Variants in MAN1A2 observed in about 807,000 individuals in gnomAD.
MAN1A2 encodes mannosyl-oligosaccharide 1,2-alpha-mannosidase IB.
MAN1A2 carries 26 observed loss-of-function variants against 75.7 expected under a neutral mutation model. The observed-to-expected ratio is 0.34, with a 90% CI of 0.25 to 0.48. MAN1A2 has a LOEUF of 0.48. Ranked by LOEUF, MAN1A2 falls within the 20% of genes least tolerant of loss-of-function variation. The probability of loss-of-function intolerance (pLI) is 0.99; values close to 1 mark genes in which losing one functional copy is unlikely to be tolerated. For missense variants in MAN1A2, 562 were observed against 775.5 expected (o/e 0.72, Z 3.27); for synonymous variants, 247 against 264.6 (o/e 0.93, Z 0.65).
chr1:117,521,780 C>A (rs1470828606), intron 12 of MAN1A2, among the ~76,000 whole-genome samples: 2 of 151,928 alleles, frequency 1.3e-5, no homozygotes. Flanking sequence ...GGAACCAACC[C>A]AAATGCCCAT....
chr1:117,512,750 T>TACACACACAC (rs3050979), intron 12 of MAN1A2, among the ~76,000 whole-genome samples: 9,063 of 143,754 alleles, frequency 0.063, 351 homozygotes, highest in African/African-American at 0.11. Flanking sequence ...GGCACTGGGA[T>TACACACACAC]ACACACACAC....
chr1:117,392,535 GA>G (rs966318188), intron 1 of MAN1A2, among the ~76,000 whole-genome samples: 20 of 152,084 alleles, frequency 1.3e-4, no homozygotes, highest in African/African-American at 4.8e-4. Context: ...GTATTCATTA[GA>G]TTGTGAACTC....
In MAN1A2 at chr1:117,450,697, G is replaced by A. The variant is rs72691719; in HGVS notation, c.950+8372G>A. Among the ~76,000 whole-genome samples the A allele has an allele frequency of 5.5e-3, 831 of 152,314 alleles. 5 individuals carry two copies. The highest frequency in any genetic ancestry group is 6.4e-3 in the Non-Finnish European group (436 of 68,024). On this transcript the variant is annotated intron_variant, in intron 6 of 12. Transcript: ENST00000356554. The stretch of plus-strand genomic sequence containing the variant: ...CTGTATCCCAGCCTCTCTAGCTGTG[G>A]CTGAAAGGGGCCAACCTAAAGCTCA...
At chr1:117,510,780 A>AGG in intron 12 of MAN1A2, among the ~76,000 whole-genome samples, 1 of 152,178 alleles carries the variant, frequency 6.6e-6, no homozygotes, top group East Asian at 1.9e-4. Context: ...AATGTAAAAT[A>AGG]ATCCTGACAT....
chr1:117,458,512 G>GATATAT (rs1553236631), intron 6 of MAN1A2, among the ~76,000 whole-genome samples: 4 of 105,240 alleles, frequency 3.8e-5, no homozygotes, highest in African/African-American at 8.1e-5. Context: ...TATATATATA[G>GATATAT]ATATATATAT....
chr1:117,401,309 A>G (rs1280973606), intron 1 of MAN1A2, among the ~76,000 whole-genome samples: 1 of 152,160 alleles, frequency 6.6e-6, no homozygotes, highest in Non-Finnish European at 1.5e-5. Context: ...CTCACTAGCA[A>G]TGTTATAAGT....
intron 12 of MAN1A2, among the ~76,000 whole-genome samples, chr1:117,509,278 GA>G (rs1487622241): frequency 6.6e-6 from 1 of 151,824 alleles, no homozygotes; most frequent in Non-Finnish European, 1.5e-5. Flanking sequence ...AACACATGAA[GA>G]ATGCTTGATC....
At chr1:117,430,249 G>A (rs1198834658) in intron 5 of MAN1A2, among the ~76,000 whole-genome samples, 4 of 127,620 alleles carry the variant, frequency 3.1e-5, no homozygotes, top group African/African-American at 9.4e-5. Context: ...CGGCTGGCCA[G>A]GCGGGGGGCT....
rs942343245 is a variant in MAN1A2, at chr1:117,528,557, A to G, written c.*5600A>G. ...TGTAAGATGTATACCAGAAAACATAATAAAGATAAGCTCAGTTCTTCATTG... is the reference window on the plus strand; with the variant it reads ...TGTAAGATGTATACCAGAAAACATAGTAAAGATAAGCTCAGTTCTTCATTG... On this transcript the variant is annotated 3_prime_UTR_variant, in exon 13 of 13. Transcript: ENST00000356554. The G allele has an allele frequency of 2.6e-5, 4 of 152,148 alleles. No homozygotes were observed. Among genetic ancestry groups the G allele is most frequent in the African/African-American group, 9.7e-5 (4 of 41,446 alleles). 9.4% of individuals were successfully genotyped at this position (152,148 alleles called of 1,614,324 possible).
chr1:117,445,159 T>C (rs1013522955), intron 6 of MAN1A2, among the ~76,000 whole-genome samples: 1 of 152,296 alleles, frequency 6.6e-6, no homozygotes, highest in African/African-American at 2.4e-5. Flanking sequence ...TTTAATATGG[T>C]AAATTACTTG....
intron 5 of MAN1A2, among the ~76,000 whole-genome samples, chr1:117,429,617 G>C (rs1173854095): frequency 9.7e-4 from 112 of 115,098 alleles, no homozygotes; most frequent in African/African-American, 3.6e-3. Flanking sequence ...GGGGCGGCTG[G>C]CCGGGCAGAG....
At chr1:117,504,435 A>G (rs939765549) in intron 12 of MAN1A2, among the ~76,000 whole-genome samples, 3 of 150,878 alleles carry the variant, frequency 2.0e-5, no homozygotes, top group African/African-American at 4.9e-5. Context: ...ACATATACAC[A>G]TAGTTTTACT....
chr1:117,418,684 A>G (rs1338745945), intron 4 of MAN1A2, among the ~76,000 whole-genome samples: 1 of 152,012 alleles, frequency 6.6e-6, no homozygotes, highest in Non-Finnish European at 1.5e-5. Context: ...GAAGACTTAC[A>G]TTTTCATCAA....
chr1:117,472,086 G>T (rs941851102), intron 8 of MAN1A2, among the ~76,000 whole-genome samples: 4 of 151,560 alleles, frequency 2.6e-5, no homozygotes, highest in Admixed American at 6.6e-5. Flanking sequence ...CTTTCCCTTT[G>T]TATCCTACAT....
At chr1:117,425,967 C>T (rs1399752225) in intron 5 of MAN1A2, among the ~76,000 whole-genome samples, 2 of 151,970 alleles carry the variant, frequency 1.3e-5, no homozygotes, top group Admixed American at 1.3e-4. Context: ...TATTTTATTC[C>T]TTCTGTGGAA....
intron 5 of MAN1A2, among the ~76,000 whole-genome samples, chr1:117,424,889 CT>C (rs1648315037): frequency 6.6e-6 from 1 of 152,174 alleles, no homozygotes; most frequent in Admixed American, 6.5e-5. Context: ...CTTTAAGAAT[CT>C]TCTGAGCTGC....
intron 5 of MAN1A2, among the ~76,000 whole-genome samples, chr1:117,431,796 A>G (rs1180552269): frequency 6.6e-6 from 1 of 152,166 alleles, no homozygotes. Context: ...CAACAAATAC[A>G]AAAATTAGCC....
intron 1 of MAN1A2, among the ~76,000 whole-genome samples, chr1:117,383,924 A>G (rs1214300779): frequency 6.6e-6 from 1 of 152,060 alleles, no homozygotes; most frequent in Admixed American, 6.6e-5. Context: ...AAACCAGGCC[A>G]TAAGATTCTC....
chr1:117,432,280 C>G (rs1648695867), intron 5 of MAN1A2, among the ~76,000 whole-genome samples: 1 of 150,990 alleles, frequency 6.6e-6, no homozygotes, highest in African/African-American at 2.4e-5. Flanking sequence ...ATATTATAAG[C>G]AGTTTTTTTG....
Sources: allele counts gnomAD v4.1 joint callset (sites outside exome capture counted in the v4.1 genomes callset), GRCh38; gene constraint gnomAD v4.1.1; transcripts MANE v1.5; gene names NCBI Gene and HGNC (gene_info 2026-07-23, HGNC 2026-07-21).